HDAC9: variants seen among roughly 807,000 people sequenced by gnomAD.
The protein encoded by HDAC9 is MEF-2 interacting transcription repressor (MITR) protein.
HDAC9 carries 41 observed loss-of-function variants against 139.4 expected under a neutral mutation model. The observed-to-expected ratio is 0.29, with a 90% CI of 0.23 to 0.38. The LOEUF (loss-of-function observed/expected upper bound fraction) is 0.38, where lower values mean the gene tolerates loss of function less well. HDAC9 is among the 10% of genes least tolerant of loss of function. HDAC9 has a pLI of 1.00. For missense variants in HDAC9, 1,147 were observed against 1,297.0 expected, an observed-to-expected ratio of 0.88 and a Z score of 1.78; for synonymous variants, 517 against 476.2, an observed-to-expected ratio of 1.09 and a Z score of -1.12.
intron 2 of HDAC9, among the ~76,000 whole-genome samples, chr7:18,503,545 C>A (rs1339214388): frequency 6.6e-6 from 1 of 152,070 alleles, no homozygotes; most frequent in African/African-American, 2.4e-5. Context: ...CATTCATTAT[C>A]ATAATGTTAA....
chr7:18,866,811 G>A (rs1329598904), intron 21 of HDAC9, among the ~76,000 whole-genome samples: 4 of 152,154 alleles, frequency 2.6e-5, no homozygotes, highest in South Asian at 2.1e-4. Context: ...GTCTTATGCC[G>A]TTCACTCAGC....
At chr7:18,776,127 G>T (rs2588595) in intron 16 of HDAC9, among the ~76,000 whole-genome samples, 37,741 of 151,798 alleles carry the variant, frequency 0.25, 5,556 homozygotes, top group East Asian at 0.61. Context: ...TTATTTTGTA[G>T]AGATGTGGTC....
At chr7:18,466,279 C>A (rs986739648) in intron 1 of HDAC9, among the ~76,000 whole-genome samples, 1 of 152,198 alleles carries the variant, frequency 6.6e-6, no homozygotes, top group African/African-American at 2.4e-5. Flanking sequence ...TCAGTGCAAC[C>A]TCTGCCTCCC....
chr7:18,646,686 TGAAACATGAGTTTTGAAAA>T (rs1787538401), intron 9 of HDAC9, among the ~76,000 whole-genome samples: 1 of 152,150 alleles, frequency 6.6e-6, no homozygotes, highest in African/African-American at 2.4e-5. Context: ...TTTTGAAAGA[TGAAACATGAGTTTTGAAAA>T]GAAACATGCC....
chr7:18,697,101 C>T (rs1035360143), intron 12 of HDAC9, among the ~76,000 whole-genome samples: 3 of 152,128 alleles, frequency 2.0e-5, no homozygotes, highest in East Asian at 1.9e-4. Context: ...GCCTGAGGAA[C>T]GCATTCAAAG....
At chr7:18,810,671 C>T (rs910995216) in intron 17 of HDAC9, among the ~76,000 whole-genome samples, 1 of 151,770 alleles carries the variant, frequency 6.6e-6, no homozygotes, top group African/African-American at 2.4e-5. Flanking sequence ...CCTTCATGTC[C>T]CTGGTAGTAG....
chr7:18,234,084 T>C (rs1213918736), intron 2 of HDAC9, among the ~76,000 whole-genome samples: 1 of 152,188 alleles, frequency 6.6e-6, no homozygotes, highest in Admixed American at 6.5e-5. Context: ...AGCTGGGTGA[T>C]GTGTGTTAGA....
At chr7:18,591,491 G>GTGTT in intron 4 of HDAC9, 25 bp from the exon 5 acceptor site, 1 of 1,551,086 alleles carries the variant, frequency 6.4e-7, no homozygotes, top group South Asian at 1.2e-5. Flanking sequence ...GTGTGTGTGT[G>GTGTT]TGTGTGTGTG....
At chr7:18,491,692 T>C (rs183461735), upstream of HDAC9, among the ~76,000 whole-genome samples, 1 of 152,004 alleles carries the variant, frequency 6.6e-6, no homozygotes, top group African/African-American at 2.4e-5. Flanking sequence ...GTCAACGTTG[T>C]GATAATGCAG....
intron 1 of HDAC9, among the ~76,000 whole-genome samples, chr7:18,365,323 G>A (rs192016114): frequency 3.9e-5 from 6 of 152,104 alleles, no homozygotes; most frequent in African/African-American, 1.2e-4. Flanking sequence ...GTGTTGAGAA[G>A]GCTTCTGAGG....
At chr7:18,526,188 T>C (rs772556116) in intron 2 of HDAC9, among the ~76,000 whole-genome samples, 1 of 152,196 alleles carries the variant, frequency 6.6e-6, no homozygotes, top group Non-Finnish European at 1.5e-5. Flanking sequence ...TATACTATTT[T>C]GTTGGAATTG....
chr7:18,427,752 G>A (rs1414268727), intron 1 of HDAC9, among the ~76,000 whole-genome samples: 2 of 150,668 alleles, frequency 1.3e-5, no homozygotes, highest in African/African-American at 2.4e-5. Context: ...ACTTAAGAGG[G>A]TGAGACCCAC....
chr7:18,239,702 G>A (rs988789164), intron 2 of HDAC9, among the ~76,000 whole-genome samples: 2 of 152,146 alleles, frequency 1.3e-5, no homozygotes, highest in African/African-American at 4.8e-5. Context: ...ACCTGGCAGA[G>A]TCTTCCTATA....
intron 2 of HDAC9, among the ~76,000 whole-genome samples, chr7:18,544,194 C>A (rs77817370): frequency 1.3e-5 from 2 of 152,056 alleles, no homozygotes; most frequent in Non-Finnish European, 2.9e-5. Flanking sequence ...GGTGACAACA[C>A]TGGAGGTGGG....
intron 2 of HDAC9, among the ~76,000 whole-genome samples, chr7:18,547,555 A>G (rs1815389776): frequency 6.6e-6 from 1 of 152,196 alleles, no homozygotes; most frequent in African/African-American, 2.4e-5. Flanking sequence ...CTTTCTTAAA[A>G]TAAGACAACA....
chr7:18,086,970 G>GCGCCGCGCC (rs1179841322), exon 1 of HDAC9: 3 of 147,594 alleles, frequency 2.0e-5, no homozygotes, highest in African/African-American at 7.4e-5. Context: ...CGAGCCGGCC[G>GCGCCGCGCC]CGCCGCGCCC....
intron 1 of HDAC9, among the ~76,000 whole-genome samples, chr7:18,446,119 C>T (rs1468343388): frequency 2.6e-5 from 4 of 152,186 alleles, no homozygotes; most frequent in Non-Finnish European, 5.9e-5. Flanking sequence ...GGATAATGTG[C>T]AGAGACATTT....
chr7:18,281,054 A>G (rs1321614627), intron 2 of HDAC9, among the ~76,000 whole-genome samples: 3 of 152,110 alleles, frequency 2.0e-5, no homozygotes, highest in African/African-American at 7.2e-5. Context: ...TCTCCTTGAC[A>G]CTTTACTTTT....
At chr7:18,497,063 G>A (rs551137721) in intron 2 of HDAC9, among the ~76,000 whole-genome samples, 3 of 152,250 alleles carry the variant, frequency 2.0e-5, no homozygotes, top group African/African-American at 7.2e-5. Context: ...GCTGGTGGGA[G>A]ATTGAGCTTG....
Sources: allele counts gnomAD v4.1 joint callset (sites outside exome capture counted in the v4.1 genomes callset), GRCh38; gene constraint gnomAD v4.1.1; transcripts MANE v1.5; gene names NCBI Gene and HGNC (gene_info 2026-07-23, HGNC 2026-07-21).